The following INTS4 variants were observed in gnomAD, a reference collection of about 807,000 sequenced individuals.
The protein encoded by INTS4 is integrator complex subunit 4.
A neutral mutation model predicts 119.5 loss-of-function variants in INTS4; 70 were observed. The observed-to-expected ratio is 0.59, with a 90% CI of 0.48 to 0.71. The LOEUF (loss-of-function observed/expected upper bound fraction) is 0.71, where lower values mean the gene tolerates loss of function less well. Ranked by LOEUF, INTS4 falls within the 30% of genes least tolerant of loss-of-function variation. The pLI is 0.00. For missense variants in INTS4, 867 were observed against 1,173.2 expected (o/e 0.74, Z 3.81); for synonymous variants, 316 against 419.6 (o/e 0.75, Z 3.02).
At chr11:77,890,079 A>G (rs1952198030) in intron 21 of INTS4, among the ~76,000 whole-genome samples, 1 of 152,144 alleles carries the variant, frequency 6.6e-6, no homozygotes, top group Non-Finnish European at 1.5e-5. Flanking sequence ...ACACCTATTC[A>G]TCTGTTCTTC....
At chr11:77,981,898 G>A (rs1047711130) in intron 2 of INTS4, among the ~76,000 whole-genome samples, 1 of 152,160 alleles carries the variant, frequency 6.6e-6, no homozygotes, top group South Asian at 2.1e-4. Flanking sequence ...ATACTGCAAA[G>A]TGAATGAGAA....
Position 77,921,318 on chromosome 11 carries a change from A to G in INTS4, c.1764+22T>C, listed in dbSNP as rs375142578. ...TACCCCATGCAAAATAAAAACAAGG[A>G]CAACAGATGTTTTCAACATACCCTC... On this transcript the variant is annotated intron_variant, in intron 14 of 22. Coordinates refer to ENST00000534064, the MANE Select transcript of INTS4 (RefSeq NM_033547.4). The G allele has an allele frequency of 2.7e-5, 44 of 1,607,684 alleles. No individual in the cohort carries two copies. In the African/African-American group the frequency reaches 5.8e-4, roughly 21 times the overall value.
intron 2 of INTS4, among the ~76,000 whole-genome samples, chr11:77,986,406 A>G (rs909707358): frequency 6.6e-6 from 1 of 152,246 alleles, no homozygotes. Context: ...AAATTAGTTC[A>G]ACCATTGTGG....
At chr11:77,913,649 CA>C (rs1953139797) in intron 15 of INTS4, among the ~76,000 whole-genome samples, 1 of 152,168 alleles carries the variant, frequency 6.6e-6, no homozygotes, top group Non-Finnish European at 1.5e-5. Flanking sequence ...CATAAATGTC[CA>C]ACTATTATCT....
chr11:77,946,752 C>A (rs1249759375), intron 8 of INTS4, among the ~76,000 whole-genome samples: 5 of 146,696 alleles, frequency 3.4e-5, no homozygotes, highest in African/African-American at 7.7e-5. Context: ...CAGAGCAAGA[C>A]CCTGTCTCAA....
At chr11:77,884,422 G>A (rs1951912529) in intron 21 of INTS4, among the ~76,000 whole-genome samples, 1 of 152,176 alleles carries the variant, frequency 6.6e-6, no homozygotes, top group Non-Finnish European at 1.5e-5. Context: ...TCAATGAAGA[G>A]TCCACTCAAA....
chr11:77,970,541 A>G (rs1855686177), intron 4 of INTS4, among the ~76,000 whole-genome samples: 1 of 151,376 alleles, frequency 6.6e-6, no homozygotes, highest in Non-Finnish European at 1.5e-5. Flanking sequence ...AAAGCAGCTG[A>G]GCGAACACCA....
At chr11:77,955,737 G>A (rs1339359635) in intron 8 of INTS4, among the ~76,000 whole-genome samples, 5 of 152,068 alleles carry the variant, frequency 3.3e-5, no homozygotes, top group South Asian at 2.1e-4. Flanking sequence ...CTCGTGATCC[G>A]CCTGCCTTGG....
chr11:77,974,228 T>TTTTTC (rs201838485), intron 4 of INTS4, among the ~76,000 whole-genome samples: 1 of 125,362 alleles, frequency 8.0e-6, no homozygotes, highest in African/African-American at 3.1e-5. Context: ...TGGTATATAA[T>TTTTTC]TTTTCTTTTC....
rs751670805 is a variant in INTS4 at position 77,911,059 on chromosome 11, G to A, written c.1923-3249C>T. ...AGTAGCCTGGAAAAAACCGTCCACT[G>A]GACTATGACACTTCCTCCCATCTCA... On this transcript the variant is annotated intron_variant, in intron 15 of 22. Coordinates refer to ENST00000534064, the MANE Select transcript of INTS4 (RefSeq NM_033547.4). The A allele has an allele frequency of 2.3e-6, 3 of 1,288,574 alleles. No homozygotes were observed. The South Asian group carries it at 3.7e-5, about 16-fold the overall frequency. The allele number at this position is 1,288,574 out of a possible 1,614,324, so 79.8% of individuals were successfully genotyped here.
At chr11:77,956,133 G>T in intron 7 of INTS4, 71 bp from the exon 8 acceptor site, 1 of 1,525,032 alleles carries the variant, frequency 6.6e-7, no homozygotes, top group Non-Finnish European at 8.8e-7. Flanking sequence ...CTCAGGCCAG[G>T]CACAGTGGCT....
intron 2 of INTS4, chr11:77,987,834 T>C (rs779978324): frequency 6.6e-5 from 21 of 316,498 alleles, no homozygotes; most frequent in South Asian, 3.9e-4. Context: ...GATCACGCCA[T>C]TGCACTCTAG....
In INTS4 at chr11:77,910,989, G is replaced by A. The variant is rs1455849754; in HGVS notation, c.1923-3179C>T. The A allele has an allele frequency of 3.9e-6, 5 of 1,288,836 alleles. No individual in the cohort carries two copies. In the South Asian group the frequency reaches 6.2e-5, roughly 16 times the overall value. The allele number at this position is 1,288,836 out of a possible 1,614,324, so 79.8% of individuals were successfully genotyped here. ...GGAAACCTTAAGGTCTGAGTCACTT[G>A]GGAAGCTGTCTGTTTCAGGGCCGGC... On this transcript the variant is annotated intron_variant, in intron 15 of 22. Transcript: ENST00000534064.
chr11:77,917,433 T>A (rs1953230999), intron 15 of INTS4, among the ~76,000 whole-genome samples: 1 of 151,380 alleles, frequency 6.6e-6, no homozygotes, highest in Non-Finnish European at 1.5e-5. Context: ...TGTGCCTCAA[T>A]CTCCCAAGTA....
At chr11:77,886,678 A>C (rs1952023834) in intron 21 of INTS4, among the ~76,000 whole-genome samples, 1 of 152,198 alleles carries the variant, frequency 6.6e-6, no homozygotes, top group South Asian at 2.1e-4. Context: ...CAGGGAAAGA[A>C]GACCCTGTTG....
chr11:77,881,374 C>A (rs575606513), intron 22 of INTS4, among the ~76,000 whole-genome samples: 33 of 152,072 alleles, frequency 2.2e-4, no homozygotes, highest in African/African-American at 7.5e-4. Context: ...TGAAGGAGCT[C>A]CCTAGAAACT....
intron 3 of INTS4, among the ~76,000 whole-genome samples, chr11:77,980,713 G>A (rs972790070): frequency 4.6e-5 from 7 of 152,078 alleles, no homozygotes; most frequent in South Asian, 2.1e-4. Context: ...TGTCTTGGCC[G>A]GGCACAGTGG....
intron 10 of INTS4, among the ~76,000 whole-genome samples, chr11:77,936,376 A>G (rs544625909): frequency 7.9e-5 from 12 of 152,210 alleles, no homozygotes; most frequent in African/African-American, 2.9e-4. Context: ...TACTAAAAAG[A>G]CCCAAATTCT....
At chr11:77,946,491 G>A (rs1347118865) in intron 8 of INTS4, among the ~76,000 whole-genome samples, 4 of 152,182 alleles carry the variant, frequency 2.6e-5, no homozygotes, top group Non-Finnish European at 4.4e-5. Flanking sequence ...GCTGGGGGCA[G>A]TGGCTCACAT....
Sources: gnomAD v4.1 joint callset for allele counts (sites outside exome capture counted in the v4.1 genomes callset) on GRCh38, gnomAD v4.1.1 for gene constraint, MANE v1.5 for transcripts, NCBI Gene and HGNC (gene_info 2026-07-23, HGNC 2026-07-21) for gene names.